The following DCDC1 variants were observed in gnomAD, a reference collection of about 807,000 sequenced individuals.
The protein encoded by DCDC1 is doublecortin domain-containing protein 1.
In DCDC1, 200 loss-of-function variants were observed where a neutral mutation model predicts 178.3. The observed-to-expected ratio is 1.12, with a 90% CI of 1.00 to 1.26. The LOEUF is 1.26. DCDC1 is among the 50% of genes most tolerant of loss of function. DCDC1 has a pLI of 0.00. For missense variants in DCDC1, 1,983 were observed against 1,749.2 expected, an observed-to-expected ratio of 1.13 and a Z score of -2.38; for synonymous variants, 690 against 604.8, an observed-to-expected ratio of 1.14 and a Z score of -2.07.
intron 20 of DCDC1, among the ~76,000 whole-genome samples, chr11:31,044,206 G>A (rs913870443): frequency 2.0e-5 from 3 of 152,078 alleles, no homozygotes; most frequent in Non-Finnish European, 4.4e-5. Flanking sequence ...GGCCGGGCAC[G>A]GTGGCTCACG....
At chr11:31,164,901 C>T (rs908794644) in intron 9 of DCDC1, among the ~76,000 whole-genome samples, 5 of 152,164 alleles carry the variant, frequency 3.3e-5, no homozygotes, top group African/African-American at 4.8e-5. Context: ...AAGCGCCATT[C>T]GTGGTAAGTG....
chr11:31,306,039 T>G (rs187841616), intron 5 of DCDC1, among the ~76,000 whole-genome samples, 193 bp downstream of exon 5: 1 of 152,132 alleles, frequency 6.6e-6, no homozygotes, highest in Non-Finnish European at 1.5e-5. Flanking sequence ...TCTGTTTAAA[T>G]ACACTGTTTA....
intron 6 of DCDC1, among the ~76,000 whole-genome samples, chr11:31,303,865 C>A (rs945273437): frequency 2.0e-5 from 3 of 152,080 alleles, no homozygotes; most frequent in African/African-American, 7.2e-5. Context: ...CAACAACTGT[C>A]GAGCAGCATA....
chr11:31,005,154 T>C (rs1951769911), intron 20 of DCDC1, among the ~76,000 whole-genome samples: 1 of 152,216 alleles, frequency 6.6e-6, no homozygotes, highest in Admixed American at 6.5e-5. Context: ...TGAAACACAA[T>C]GTTGTCCTCT....
At chr11:31,253,687 C>T (rs1221003002) in intron 8 of DCDC1, among the ~76,000 whole-genome samples, 3 of 152,150 alleles carry the variant, frequency 2.0e-5, no homozygotes, top group African/African-American at 7.2e-5. Context: ...CTAAGCCATG[C>T]CTGAATTCCT....
At chr11:31,192,062 T>C (rs1182907336) in intron 9 of DCDC1, among the ~76,000 whole-genome samples, 1 of 152,056 alleles carries the variant, frequency 6.6e-6, no homozygotes, top group Non-Finnish European at 1.5e-5. Flanking sequence ...ATGCCTTCCC[T>C]TTCCTTATCC....
intron 9 of DCDC1, among the ~76,000 whole-genome samples, chr11:31,206,359 T>C (rs1209393907): frequency 1.3e-5 from 2 of 152,138 alleles, no homozygotes. Context: ...CCTGAATCTA[T>C]CCAACTCTTA....
chr11:31,043,185 A>G (rs1326161658), intron 20 of DCDC1, among the ~76,000 whole-genome samples: 1 of 152,202 alleles, frequency 6.6e-6, no homozygotes, highest in Non-Finnish European at 1.5e-5. Context: ...ATATGAGGCC[A>G]CTGTTGTCTA....
chr11:31,248,604 C>G (rs953557961), intron 8 of DCDC1, among the ~76,000 whole-genome samples: 19 of 151,928 alleles, frequency 1.3e-4, no homozygotes. Context: ...AATGTAAATA[C>G]TAAGTCAACA....
At chr11:31,202,984 G>C (rs750814034) in intron 9 of DCDC1, among the ~76,000 whole-genome samples, 2 of 152,144 alleles carry the variant, frequency 1.3e-5, no homozygotes, top group Admixed American at 1.3e-4. Context: ...GCATTAAAAG[G>C]CTGGGTTCTG....
chr11:30,892,850 C>T lies in DCDC1; in HGVS notation c.5050G>A (p.Gly1684Ser), dbSNP rs778853457. Residue 1684 changes from glycine to serine, a missense_variant, in exon 36 of 39, where the codon GGC becomes AGC. Gly to Ser is a moderately conservative substitution (Grantham distance 56). Transcript: ENST00000684477. Reference sequence around the variant, plus strand: ...ATAGTTTTGCCCCAGGCATAAGTGCCATCTTCAGGTCTGCCTCCATTTAGA... The same window carrying T: ...ATAGTTTTGCCCCAGGCATAAGTGCTATCTTCAGGTCTGCCTCCATTTAGA... ...IYLNGGRPED[G>S]TYAWGKTISE... is the part of the protein sequence containing the mutation. 7 of 1,613,856 alleles carry T rather than the reference C, an allele frequency of 4.3e-6. No individual in the cohort carries two copies. Among genetic ancestry groups the T allele is most frequent in the Non-Finnish European group, 5.1e-6 (6 of 1,179,812 alleles).
chr11:30,959,032 G>A (rs1948931544), intron 20 of DCDC1, among the ~76,000 whole-genome samples: 1 of 152,050 alleles, frequency 6.6e-6, no homozygotes. Flanking sequence ...ATAAAGTCCT[G>A]GGTAAAGTAA....
chr11:31,252,709 C>T (rs941719152), intron 8 of DCDC1, among the ~76,000 whole-genome samples: 7 of 151,882 alleles, frequency 4.6e-5, no homozygotes, highest in Middle Eastern at 3.2e-3. Flanking sequence ...CCTCGAAACA[C>T]TTAAATGATA....
chr11:31,337,856 A>G (rs766246092), intron 1 of DCDC1, among the ~76,000 whole-genome samples: 2 of 152,326 alleles, frequency 1.3e-5, no homozygotes, highest in South Asian at 2.1e-4. Flanking sequence ...GGCTGTGAAC[A>G]TGGGATTAGC....
chr11:31,079,165 G>A (rs1957034617), intron 17 of DCDC1, among the ~76,000 whole-genome samples: 4 of 152,228 alleles, frequency 2.6e-5, no homozygotes, highest in Admixed American at 1.3e-4. Flanking sequence ...GTGTCCCTGT[G>A]CCTTCTCTTA....
intron 20 of DCDC1, among the ~76,000 whole-genome samples, chr11:30,999,763 A>C (rs1277843161): frequency 6.6e-6 from 1 of 152,190 alleles, no homozygotes. Context: ...TATTTTTAAG[A>C]AAATATAAAC....
intron 38 of DCDC1, among the ~76,000 whole-genome samples, chr11:30,873,948 C>G (rs931143649): frequency 6.6e-6 from 1 of 152,154 alleles, no homozygotes; most frequent in African/African-American, 2.4e-5. Context: ...ACTTGTTTAG[C>G]CTTCCAATGT....
At position 30,915,520 on chromosome 11, in the gene DCDC1, T is replaced by C. The variant is rs1161289039; in HGVS notation, c.3644A>G (p.Glu1215Gly). 1 of 1,613,958 alleles carries C rather than the reference T, an allele frequency of 6.2e-7. No homozygotes were observed. Among genetic ancestry groups the C allele is most frequent in the East Asian group, 2.2e-5 (1 of 44,876 alleles). ...DGSHQRWIHQ[E>G]DSRTFHLVSN... ...AATATAATGGGATTACCTGCTGTCT[T>C]CCTGGTGTATCCAGCGCTGATGACT... Residue 1215 changes from glutamate to glycine, a missense_variant, in exon 27 of 39, where the codon GAA (glutamate) becomes GGA (glycine). Transcript: ENST00000684477.
intron 7 of DCDC1, among the ~76,000 whole-genome samples, chr11:31,286,952 G>T (rs1416510978): frequency 6.6e-6 from 1 of 151,912 alleles, no homozygotes; most frequent in African/African-American, 2.4e-5. Context: ...TGCTCAAATT[G>T]GCAGACTTTA....
Sources: gnomAD v4.1 joint callset for allele counts (sites outside exome capture counted in the v4.1 genomes callset) on GRCh38, gnomAD v4.1.1 for gene constraint, MANE v1.5 for transcripts, NCBI Gene and HGNC (gene_info 2026-07-23, HGNC 2026-07-21) for gene names.